The following FCRL5 variants were observed in gnomAD, a reference collection of about 807,000 sequenced individuals.
FCRL5 encodes the protein Fc receptor-like protein 5.
FCRL5 carries 79 observed loss-of-function variants against 92.1 expected under a neutral mutation model. The observed-to-expected ratio is 0.86, with a 90% confidence interval of 0.72 to 1.03. The LOEUF is 1.03. FCRL5 is among the 50% of genes least tolerant of loss of function. The pLI, the probability that FCRL5 is intolerant of heterozygous loss-of-function variation, is 0.00. For missense variants in FCRL5, 1,160 were observed against 1,181.1 expected (o/e 0.98, Z 0.26); for synonymous variants, 466 against 469.3 (o/e 0.99, Z 0.09).
chr1:157,534,556 G>T, intron 8 of FCRL5, 58 bp downstream of exon 8: 1 of 1,600,230 alleles, frequency 6.2e-7, no homozygotes, highest in African/African-American at 1.3e-5. Flanking sequence ...ATTTTTAAAG[G>T]AATGGGTGAG....
Position 157,529,042 on chromosome 1 carries a change from A to T in FCRL5, c.1682-1147T>A, listed in dbSNP as rs149286969. On this transcript the variant is annotated intron_variant, in intron 8 of 16. Coordinates refer to ENST00000361835, the MANE Select transcript of FCRL5 (RefSeq NM_031281.3). ...ACAGACAACCCACAGAGTGGGAGAA[A>T]ATATTCACAGACTATGCATCTGACA... Among the ~76,000 whole-genome samples the T allele has an allele frequency of 6.7e-3, 1,021 of 152,346 alleles. 17 individuals are homozygous for T. Among genetic ancestry groups the T allele is most frequent in the African/African-American group, 0.023 (955 of 41,570 alleles).
In FCRL5 at chr1:157,552,510, A is replaced by G. The variant is rs575866096; in HGVS notation, c.-148T>C. ...TGTGCTCTCAAAAAGAGCAGAATGC[A>G]TTAGTGAATTGAAAAAAGGAAGTGG... On this transcript the variant is annotated 5_prime_UTR_variant, in exon 1 of 17. An upstream start codon of the reference 5' UTR is lost. Transcript: ENST00000361835. 1.2e-3 allele frequency: 841 copies of G among 716,298 alleles called. No individual in the cohort carries two copies. Among genetic ancestry groups the G allele is most frequent in the Admixed American group, 1.8e-3 (73 of 41,470 alleles). 44.4% of individuals were successfully genotyped at this position (716,298 alleles called of 1,614,324 possible).
intron 7 of FCRL5, among the ~76,000 whole-genome samples, chr1:157,535,943 G>GTTTTTT (rs60191062): frequency 1.1e-5 from 1 of 90,008 alleles, no homozygotes; most frequent in African/African-American, 3.8e-5. Context: ...ATGTGACTCA[G>GTTTTTT]TTTTTTTTTT....
Position 157,545,039 on chromosome 1 carries a change from G to T in FCRL5, c.351C>A (p.Asp117Glu), listed in dbSNP as rs780136112. The T allele has an allele frequency of 1.2e-6, 2 of 1,613,034 alleles. No homozygotes were observed. Among genetic ancestry groups the T allele is most frequent in the Non-Finnish European group, 8.5e-7 (1 of 1,180,026 alleles). Residue 117 changes from aspartate (D) to glutamate (E), a missense_variant, in exon 4 of 17, where the codon GAC (aspartate) becomes GAA (glutamate). Coordinates refer to ENST00000361835, the MANE Select transcript of FCRL5 (RefSeq NM_031281.3). ...TTGCCCGGCACCTCAGAACCACAGA[G>T]TCTCCTTCAAACACAGAAAGTGGAG... is the stretch of plus-strand genomic sequence containing the variant. ...LQAPLSVFEG[D>E]SVVLRCRAKA...
intron 8 of FCRL5, among the ~76,000 whole-genome samples, chr1:157,529,798 A>C (rs1409610660): frequency 6.6e-6 from 1 of 152,194 alleles, no homozygotes; most frequent in Non-Finnish European, 1.5e-5. Context: ...AATATAATAG[A>C]TTCTGGGGAT....
intron 7 of FCRL5, among the ~76,000 whole-genome samples, chr1:157,536,860 A>C: frequency 6.6e-6 from 1 of 152,246 alleles, no homozygotes; most frequent in Non-Finnish European, 1.5e-5. Context: ...TTAGTTCCCC[A>C]AATTAATACT....
rs578061197 is a variant in FCRL5 at position 157,525,400 on chromosome 1, T to C, written c.1961-843A>G. ...TTTGAATTTTTGAAATAAAGTAGCA[T>C]CACACTGAGAAGATTCTGCAAACTA... On this transcript the variant is annotated intron_variant, in intron 9 of 16. Coordinates refer to ENST00000361835, the MANE Select transcript of FCRL5 (RefSeq NM_031281.3). 2.6e-5 allele frequency among the ~76,000 whole-genome samples: 4 copies of C among 152,278 alleles called. No individual in the cohort carries two copies. The East Asian group carries it at 7.7e-4, about 29-fold the overall frequency.
intron 13 of FCRL5, 37 bp from the exon 14 acceptor site, chr1:157,518,819 C>G (rs184673899): frequency 1.0e-5 from 16 of 1,550,820 alleles, no homozygotes; most frequent in Admixed American, 3.5e-5. Flanking sequence ...TCTTAGGAAT[C>G]CAGACAAAGT....
At chr1:157,528,293 C>A (rs11264751) in intron 8 of FCRL5, 13,244 of 153,978 alleles carry the variant, frequency 0.086, 1,546 homozygotes, top group African/African-American at 0.26. Context: ...AACTACAAAA[C>A]ACTGGTGTAA....
chr1:157,515,476 G>A lies in FCRL5; in HGVS notation c.*199C>T. Reference sequence around the variant, plus strand: ...TGCCACTGGATTAAAAAACCTGCCAGTCAGGGCTTTAACTGGGAAACAGGT... The same window carrying A: ...TGCCACTGGATTAAAAAACCTGCCAATCAGGGCTTTAACTGGGAAACAGGT... On this transcript the variant is annotated 3_prime_UTR_variant, in exon 17 of 17. Transcript: ENST00000361835. 1 of 1,177,764 alleles carries A rather than the reference G, an allele frequency of 8.5e-7. No homozygotes were observed. The highest frequency in any genetic ancestry group is 1.5e-5 in the African/African-American group (1 of 65,352). 73.0% of individuals were successfully genotyped at this position (1,177,764 alleles called of 1,614,324 possible).
Position 157,518,338 on chromosome 1 carries a change from C to T in FCRL5, c.2812+91G>A. 4 of 1,137,954 alleles carry T rather than the reference C, an allele frequency of 3.5e-6. No individual in the cohort carries two copies. In the East Asian group the frequency reaches 9.4e-5, roughly 27 times the overall value. The allele number at this position is 1,137,954 out of a possible 1,614,324, so 70.5% of individuals were successfully genotyped here. On this transcript the variant is annotated intron_variant, in intron 15 of 16. Transcript: ENST00000361835. ...CCCAGTGGGAGGGGCGGCTCTATGC[C>T]TGTCTGGCTCAGATCTGCTGAGTGG...
intron 9 of FCRL5, among the ~76,000 whole-genome samples, chr1:157,526,420 G>A (rs1198596965): frequency 1.3e-5 from 2 of 152,150 alleles, no homozygotes; most frequent in East Asian, 1.9e-4. Context: ...AGCCATGAAG[G>A]GGTAGTGTAT....
chr1:157,527,014 A>G (rs1160681801), intron 9 of FCRL5, among the ~76,000 whole-genome samples: 1 of 152,210 alleles, frequency 6.6e-6, no homozygotes, highest in Non-Finnish European at 1.5e-5. Flanking sequence ...GACTGAAAGT[A>G]CAGTGCCAAA....
rs1176356846 is a variant in FCRL5 at position 157,539,322 on chromosome 1, TC to T, written c.1165del (p.Asp389ThrfsTer2). ...HPVLNLSSPE[D>X]LIFEGAKVTL... Reference sequence around the variant, plus strand: ...CACCTTGGCTCCCTCAAAAATCAGGTCCTCAGGAGAGCTGAGGTTGAGGACA... The same window carrying T: ...CACCTTGGCTCCCTCAAAAATCAGGTCTCAGGAGAGCTGAGGTTGAGGACA... On this transcript the variant is annotated frameshift_variant, in exon 7 of 17. Coordinates refer to ENST00000361835, the MANE Select transcript of FCRL5 (RefSeq NM_031281.3). LOFTEE classifies it high-confidence loss of function. 6.2e-7 allele frequency: 1 copy of T among 1,613,822 alleles called. No homozygotes were observed. Among genetic ancestry groups the T allele is most frequent in the Non-Finnish European group, 8.5e-7 (1 of 1,179,956 alleles).
chr1:157,521,191 G>A lies in FCRL5; in HGVS notation c.2341C>T (p.Leu781=), dbSNP rs201833104. The part of the protein sequence containing the change: ...LHCEALRGSP[L]ILYRFFHEDV... Reference sequence around the variant, plus strand: ...TCATGAAAAAACCGGTACAGGATCAGGGGAGAGCCTCTCAGGGCCTCACAG... The same window carrying A: ...TCATGAAAAAACCGGTACAGGATCAAGGGAGAGCCTCTCAGGGCCTCACAG... The change falls in exon 11 of 17, where the codon CTG becomes TTG. Residue 781 remains leucine, a synonymous_variant. Coordinates refer to ENST00000361835, the MANE Select transcript of FCRL5 (RefSeq NM_031281.3). 120 of 1,614,174 alleles carry A rather than the reference G, an allele frequency of 7.4e-5. No homozygotes were observed. The East Asian group carries it at 2.6e-3, about 35-fold the overall frequency.
At chr1:157,517,182 G>C (rs945764512) in intron 15 of FCRL5, among the ~76,000 whole-genome samples, 1 of 152,184 alleles carries the variant, frequency 6.6e-6, no homozygotes. Flanking sequence ...ACCACCGACT[G>C]TGAGTGAGGG....
chr1:157,532,583 C>T (rs1650748820), intron 8 of FCRL5: 1 of 151,986 alleles, frequency 6.6e-6, no homozygotes, highest in African/African-American at 2.4e-5. Flanking sequence ...ATAATAGTTA[C>T]TTTCTATTCT....
At chr1:157,538,726 T>C (rs1651098074) in intron 7 of FCRL5, among the ~76,000 whole-genome samples, 1 of 152,238 alleles carries the variant, frequency 6.6e-6, no homozygotes, top group South Asian at 2.1e-4. Flanking sequence ...TCTGTGCTCC[T>C]GAGAACTGAG....
Position 157,521,030 on chromosome 1 carries a change from T to C in FCRL5, c.2502A>G (p.Thr834=). 1 of 1,606,656 alleles carries C rather than the reference T, an allele frequency of 6.2e-7. No homozygotes were observed. The highest frequency in any genetic ancestry group is 8.5e-7 in the Non-Finnish European group (1 of 1,177,308). The part of the protein sequence containing the change: ...GLGAQRSETV[T]LYITGLTANR... ...CGGGAAACTTACCTGTGATATAAAG[T>C]GTCACTGTCTCACTGCGCTGGGCCC... The change falls in exon 11 of 17, where the codon ACA becomes ACG. Residue 834 remains threonine, a synonymous_variant. Transcript: ENST00000361835.
Sources: gnomAD v4.1 joint callset for allele counts (sites outside exome capture counted in the v4.1 genomes callset) on GRCh38, gnomAD v4.1.1 for gene constraint, MANE v1.5 for transcripts, NCBI Gene and HGNC (gene_info 2026-07-23, HGNC 2026-07-21) for gene names.